Variants in KIF11 observed in about 807,000 individuals in gnomAD.
KIF11 encodes the protein kinesin-like protein KIF11.
Under a neutral mutation model 121.0 loss-of-function variants are expected in KIF11, and 9 were observed. The observed-to-expected ratio is 0.07, with a 90% CI of 0.04 to 0.13. The LOEUF (loss-of-function observed/expected upper bound fraction) is 0.13. KIF11 is among the 10% of genes least tolerant of loss of function. The pLI, the probability that KIF11 is intolerant of heterozygous loss-of-function variation, is 1.00. For missense variants in KIF11, 846 were observed against 1,217.5 expected (o/e 0.69, Z 4.54); for synonymous variants, 408 against 421.0 (o/e 0.97, Z 0.38).
intron 14 of KIF11, among the ~76,000 whole-genome samples, chr10:92,635,412 C>A (rs1382740353): frequency 1.3e-5 from 2 of 152,134 alleles, no homozygotes; most frequent in Non-Finnish European, 2.9e-5. Context: ...TAAAGCAAGT[C>A]ATGAATTTTT....
chr10:92,637,566 G>A (rs1844820575), intron 16 of KIF11, 21 bp downstream of exon 16: 1 of 1,588,794 alleles, frequency 6.3e-7, no homozygotes, highest in Admixed American at 2.0e-5. Flanking sequence ...TAGCGGACTT[G>A]GGGAGTACAG....
intron 9 of KIF11, among the ~76,000 whole-genome samples, chr10:92,618,643 CAAA>C (rs369094008): frequency 2.2e-5 from 2 of 89,484 alleles, no homozygotes. Flanking sequence ...GGCTCTGTCT[CAAA>C]AAAAAAAAAA....
intron 16 of KIF11, among the ~76,000 whole-genome samples, chr10:92,638,578 AAAT>A (rs1177978075): frequency 3.3e-5 from 5 of 152,236 alleles, no homozygotes; most frequent in South Asian, 2.1e-4. Flanking sequence ...CAATACAAAA[AAAT>A]CTGATCTGAA....
intron 14 of KIF11, 89 bp downstream of exon 14, chr10:92,633,884 T>C (rs1211949368): frequency 1.3e-5 from 11 of 849,140 alleles, no homozygotes; most frequent in South Asian, 1.7e-5. Flanking sequence ...GATAAGTCTT[T>C]ATAAACAATG....
intron 1 of KIF11, among the ~76,000 whole-genome samples, chr10:92,601,505 G>A (rs908334547): frequency 2.0e-5 from 3 of 151,894 alleles, no homozygotes; most frequent in African/African-American, 2.4e-5. Flanking sequence ...CACCATGCCC[G>A]GCCCTTGTTT....
At chr10:92,619,511 C>T (rs1844596027) in intron 9 of KIF11, among the ~76,000 whole-genome samples, 1 of 151,920 alleles carries the variant, frequency 6.6e-6, no homozygotes, top group African/African-American at 2.4e-5. Context: ...GATAATTGCC[C>T]AAGAGTGCAA....
At chr10:92,609,709 A>T (rs973714613) in intron 6 of KIF11, among the ~76,000 whole-genome samples, 200 bp downstream of exon 6, 1 of 151,996 alleles carries the variant, frequency 6.6e-6, no homozygotes, top group African/African-American at 2.4e-5. Context: ...GAGAACAAAG[A>T]TAAGTTGAAC....
At chr10:92,623,392 A>T (rs537553970) in intron 10 of KIF11, among the ~76,000 whole-genome samples, 1 of 152,308 alleles carries the variant, frequency 6.6e-6, no homozygotes, top group South Asian at 2.1e-4. Flanking sequence ...AAGGACTATA[A>T]CTTGAAAATT....
chr10:92,651,507 G>T (rs868574320), intron 21 of KIF11, among the ~76,000 whole-genome samples: 2,971 of 52,586 alleles, frequency 0.056, 87 homozygotes, highest in Middle Eastern at 0.11. Context: ...GGCTAATTTT[G>T]TTTTTTTTTT....
chr10:92,619,373 A>G (rs966986009), intron 9 of KIF11, among the ~76,000 whole-genome samples: 3 of 152,166 alleles, frequency 2.0e-5, no homozygotes, highest in Non-Finnish European at 4.4e-5. Flanking sequence ...CCATACATAC[A>G]GTTTTTGTAA....
chr10:92,611,469 C>T (rs1363588323), intron 6 of KIF11, among the ~76,000 whole-genome samples: 1 of 151,922 alleles, frequency 6.6e-6, no homozygotes, highest in Non-Finnish European at 1.5e-5. Flanking sequence ...ACCTCGGCTT[C>T]CCAAAGTGAT....
At chr10:92,615,965 G>C (rs867282460) in intron 8 of KIF11, among the ~76,000 whole-genome samples, 24 of 147,760 alleles carry the variant, frequency 1.6e-4, no homozygotes, top group Middle Eastern at 3.4e-3. Context: ...TCAGCCTCCT[G>C]AGTAGCTGGG....
chr10:92,622,778 A>T (rs1264220122), intron 10 of KIF11, among the ~76,000 whole-genome samples: 1 of 152,164 alleles, frequency 6.6e-6, no homozygotes, highest in East Asian at 1.9e-4. Context: ...AAAGAGGTTT[A>T]ATTGGCTCAC....
rs36015451 is a variant in KIF11, at chr10:92,593,356, A to AT, written c.-14dup. On this transcript the variant is annotated 5_prime_UTR_variant, in exon 1 of 22. Coordinates refer to ENST00000260731, the MANE Select transcript of KIF11 (RefSeq NM_004523.4). ...CGCCCAGGTCCGCGGCCGGGCCTTG[A>AT]TTTTTTGGCGGGGACCGTCATGGCG... The AT allele has an allele frequency of 1.1e-5, 17 of 1,601,236 alleles. No homozygotes were observed. Among genetic ancestry groups the AT allele is most frequent in the East Asian group, 2.2e-5 (1 of 44,572 alleles).
At chr10:92,637,107 T>TG (rs1844811675) in intron 14 of KIF11, 77 bp from the exon 15 acceptor site, 5 of 1,113,310 alleles carry the variant, frequency 4.5e-6, no homozygotes, top group Non-Finnish European at 6.3e-6. Flanking sequence ...ACCAAAGTAT[T>TG]TAAGATATCA....
intron 1 of KIF11, among the ~76,000 whole-genome samples, chr10:92,601,640 T>C (rs1442521439): frequency 6.6e-6 from 1 of 151,950 alleles, no homozygotes; most frequent in African/African-American, 2.4e-5. Flanking sequence ...TTTGAGATCC[T>C]CCTGCCTCAG....
rs140297881 is a variant in KIF11, at chr10:92,629,042, G to A, written c.1305+147G>A. ...GTCACCCAGGCTGGAGTGCAATAGC[G>A]TGATCTCGGCTCACTGTAACCTCTG... On this transcript the variant is annotated intron_variant, in intron 11 of 21. Coordinates refer to ENST00000260731, the MANE Select transcript of KIF11 (RefSeq NM_004523.4). 4.9e-3 allele frequency: 2,593 copies of A among 525,022 alleles called. 57 individuals are homozygous for A. Among genetic ancestry groups the A allele is most frequent in the African/African-American group, 0.044 (2,216 of 50,828 alleles). The allele number at this position is 525,022 out of a possible 1,614,324, so 32.5% of individuals were successfully genotyped here. A position where few individuals can be genotyped will look rare whatever the true frequency, so the allele number is the denominator to read the frequency against.
At chr10:92,651,507 G>GTATTTTTTCTTTTTTTTTTTTTTT (rs1554863366) in intron 21 of KIF11, among the ~76,000 whole-genome samples, 1 of 52,974 alleles carries the variant, frequency 1.9e-5, no homozygotes, top group South Asian at 9.7e-4. Flanking sequence ...GGCTAATTTT[G>GTATTTTTTCTTTTTTTTTTTTTTT]TTTTTTTTTT....
rs184428907 is a variant in KIF11, at chr10:92,645,707, G to A, written c.2547+65G>A. 421 of 1,216,378 alleles carry A rather than the reference G, an allele frequency of 3.5e-4. 4 individuals are homozygous for A. The African/African-American group carries it at 5.6e-3, about 16-fold the overall frequency. 75.3% of individuals were successfully genotyped at this position (1,216,378 alleles called of 1,614,324 possible). Reference sequence around the variant, plus strand: ...ATAATCAGAAAGTTAAATATTCTTGGCTAAGAATAGATTTCAAAACAAATG... The same window carrying A: ...ATAATCAGAAAGTTAAATATTCTTGACTAAGAATAGATTTCAAAACAAATG... On this transcript the variant is annotated intron_variant, in intron 18 of 21. Coordinates refer to ENST00000260731, the MANE Select transcript of KIF11 (RefSeq NM_004523.4).
Sources: allele counts gnomAD v4.1 joint callset (sites outside exome capture counted in the v4.1 genomes callset), GRCh38; gene constraint gnomAD v4.1.1; transcripts MANE v1.5; gene names NCBI Gene and HGNC (gene_info 2026-07-23, HGNC 2026-07-21).